CEP41: variants seen among roughly 807,000 people sequenced by gnomAD.
CEP41 encodes centrosomal protein 41.
In CEP41, 32 loss-of-function variants were observed where a neutral mutation model predicts 44.3. That is an observed-to-expected ratio of 0.72 (90% CI 0.54 to 0.97). CEP41 has a LOEUF of 0.97. Among genes scored for constraint, CEP41 ranks in the 50% least tolerant of loss-of-function variants. The pLI, the probability that CEP41 is intolerant of heterozygous loss-of-function variation, is 0.00. For missense variants in CEP41, 432 were observed against 455.2 expected, an observed-to-expected ratio of 0.95 and a Z score of 0.46; for synonymous variants, 151 against 168.5, an observed-to-expected ratio of 0.90 and a Z score of 0.80.
chr7:130,420,240 G>A (rs541104253), intron 2 of CEP41: 12 of 181,954 alleles, frequency 6.6e-5, no homozygotes, highest in African/African-American at 2.7e-4. Flanking sequence ...TGAGGTAGGA[G>A]GATCCCCTGA....
Position 130,402,633 on chromosome 7 carries a change from C to T in CEP41, c.574+15G>A, listed in dbSNP as rs782514271. On this transcript the variant is annotated intron_variant, in intron 7 of 10. Transcript: ENST00000223208. ...TTCTTGAGAGTGAGGCACTTTAAAG[C>T]CTTCTCTCTCTTACCTCCAACAATG... 1.9e-6 allele frequency: 3 copies of T among 1,613,916 alleles called. No individual in the cohort carries two copies. Among genetic ancestry groups the T allele is most frequent in the Non-Finnish European group, 2.5e-6 (3 of 1,179,854 alleles).
At chr7:130,422,522 T>C (rs1049509842) in intron 2 of CEP41, among the ~76,000 whole-genome samples, 2 of 152,204 alleles carry the variant, frequency 1.3e-5, no homozygotes, top group African/African-American at 4.8e-5. Context: ...ATCTGTACCC[T>C]GGCACATAAT....
chr7:130,438,841 A>T (rs1398025500), intron 1 of CEP41, among the ~76,000 whole-genome samples: 2 of 152,216 alleles, frequency 1.3e-5, no homozygotes, highest in African/African-American at 4.8e-5. Flanking sequence ...TCATAACTTT[A>T]TACATTTATG....
Position 130,402,782 on chromosome 7 carries a change from C to T in CEP41, c.440G>A (p.Gly147Glu). The T allele has an allele frequency of 1.2e-6, 2 of 1,614,108 alleles. No individual in the cohort carries two copies. The highest frequency in any genetic ancestry group is 1.7e-6 in the Non-Finnish European group (2 of 1,180,006). The change falls in exon 7 of 11, where the codon GGG becomes GAG. Residue 147 changes from glycine to glutamate, a missense_variant. Physicochemically the swap from Gly to Glu is moderately conservative, Grantham distance 98. Transcript: ENST00000223208. ...TGGCCCTTTGTCTAGATCCAGTTCC[C>T]CAACACCACTGATGACACTGCAAGT... ...STLQSVISGV[G>E]ELDLDKGPVK...
At position 130,398,144 on chromosome 7, in the gene CEP41, C is replaced by T. The variant is rs782582354; in HGVS notation, c.*747G>A. 69 of 453,820 alleles carry T rather than the reference C, an allele frequency of 1.5e-4. 2 individuals are homozygous for T. Among genetic ancestry groups the T allele is most frequent in the South Asian group, 8.8e-4 (57 of 64,444 alleles). The allele number at this position is 453,820 out of a possible 1,614,324, so 28.1% of individuals were successfully genotyped here. On this transcript the variant is annotated 3_prime_UTR_variant, in exon 11 of 11. Transcript: ENST00000223208. The stretch of plus-strand genomic sequence containing the variant: ...TTGGTGGGCTTCAAGGGGCACAGGC[C>T]GGTGTGGTGGCCAGGGCTTTCCCAT...
In CEP41 at chr7:130,396,040, C is replaced by T. The variant is rs985561812; in HGVS notation, c.*2851G>A. On this transcript the variant is annotated 3_prime_UTR_variant, in exon 11 of 11. Transcript: ENST00000223208. Reference sequence around the variant, plus strand: ...CTCCTTTCTCTCTCGCTTTCTGCTTCTTTTCTTCTCTCTGCCCTCCCTTCT... The same window carrying T: ...CTCCTTTCTCTCTCGCTTTCTGCTTTTTTTCTTCTCTCTGCCCTCCCTTCT... The T allele has an allele frequency of 1.3e-5, 6 of 453,952 alleles. No homozygotes were observed. Among genetic ancestry groups the T allele is most frequent in the Non-Finnish European group, 2.6e-5 (6 of 226,790 alleles). 28.1% of individuals were successfully genotyped at this position (453,952 alleles called of 1,614,324 possible).
At chr7:130,413,590 C>A (rs200617072) in intron 3 of CEP41, among the ~76,000 whole-genome samples, 77 of 146,956 alleles carry the variant, frequency 5.2e-4, no homozygotes, top group African/African-American at 6.5e-4. Context: ...AAAAAAAAAA[C>A]AAAAAAAAAA....
rs182105537 is a variant in CEP41, at chr7:130,405,919, C to T, written c.278-1211G>A. Reference sequence around the variant, plus strand: ...ACACACTTTAACACAAACAGCACATCACGACAGACACCGCAGAAGCAGAGA... The same window carrying T: ...ACACACTTTAACACAAACAGCACATTACGACAGACACCGCAGAAGCAGAGA... On this transcript the variant is annotated intron_variant, in intron 5 of 10. Transcript: ENST00000223208. Among the ~76,000 whole-genome samples, 180 of 152,242 alleles carry T rather than the reference C, an allele frequency of 1.2e-3. 1 individual carries two copies. The highest frequency in any genetic ancestry group is 4.2e-3 in the African/African-American group (174 of 41,526).
rs1475645780 is a variant in CEP41, at chr7:130,397,637, A to G, written c.*1254T>C. 1 of 453,884 alleles carries G rather than the reference A, an allele frequency of 2.2e-6. No individual in the cohort carries two copies. The highest frequency in any genetic ancestry group is 2.0e-5 in the African/African-American group (1 of 49,766). 28.1% of individuals were successfully genotyped at this position (453,884 alleles called of 1,614,324 possible). On this transcript the variant is annotated 3_prime_UTR_variant, in exon 11 of 11. Transcript: ENST00000223208. ...TTTTCAGAAGCTGGTTGCCATGACA[A>G]AGAGCACAATTTATTCCTCAGTCCC...
chr7:130,434,861 G>A (rs1797917568), intron 1 of CEP41, among the ~76,000 whole-genome samples: 1 of 152,032 alleles, frequency 6.6e-6, no homozygotes. Flanking sequence ...AACCAAAATT[G>A]GCTATAACTG....
At chr7:130,427,056 T>G (rs1258029664) in intron 2 of CEP41, 1 of 155,204 alleles carries the variant, frequency 6.4e-6, no homozygotes, top group African/African-American at 2.4e-5. Context: ...TGAAGAAACA[T>G]GCATAATGGA....
At chr7:130,419,662 A>G in intron 2 of CEP41, 6 of 985,346 alleles carry the variant, frequency 6.1e-6, no homozygotes, top group Non-Finnish European at 6.0e-6. Context: ...AAAAAAAGTC[A>G]GTGGCTCCCC....
At chr7:130,403,875 T>C (rs979833148) in intron 6 of CEP41, among the ~76,000 whole-genome samples, 1 of 152,184 alleles carries the variant, frequency 6.6e-6, no homozygotes, top group African/African-American at 2.4e-5. Context: ...AAAAGAATAA[T>C]AATAATGGTG....
At chr7:130,417,079 G>T in intron 2 of CEP41, 113 bp from the exon 3 acceptor site, 1 of 1,373,538 alleles carries the variant, frequency 7.3e-7, no homozygotes. Context: ...CTGTTCTTAG[G>T]GGATTCTGGA....
chr7:130,439,970 T>C (rs1798093340), intron 1 of CEP41, among the ~76,000 whole-genome samples: 2 of 152,206 alleles, frequency 1.3e-5, no homozygotes, highest in Admixed American at 6.5e-5. Flanking sequence ...CCGACCACAC[T>C]GTACTCAAAT....
At chr7:130,417,542 A>G (rs1797372720) in intron 2 of CEP41, among the ~76,000 whole-genome samples, 1 of 152,200 alleles carries the variant, frequency 6.6e-6, no homozygotes, top group Admixed American at 6.5e-5. Context: ...GTGCTGAGAA[A>G]TAACAGCAGA....
chr7:130,400,708 TC>T lies in CEP41; in HGVS notation c.755del (p.Gly252GlufsTer3), dbSNP rs1796816554. ...RGFENLFMLS[G>X]GLKVLAQKFP... ...CAAGCAGAGTATCACCTTGCTCACC[TC>T]CGGAAAGCATGAAGAGGTTTTCAAA... On this transcript the variant is annotated frameshift_variant and splice_region_variant, in exon 9 of 11. Transcript: ENST00000223208. LOFTEE classifies it high-confidence loss of function. 6.3e-7 allele frequency: 1 copy of T among 1,599,350 alleles called. No homozygotes were observed. Among genetic ancestry groups the T allele is most frequent in the Non-Finnish European group, 8.6e-7 (1 of 1,167,880 alleles).
At chr7:130,429,124 C>G (rs1797752682) in intron 1 of CEP41, among the ~76,000 whole-genome samples, 1 of 152,090 alleles carries the variant, frequency 6.6e-6, no homozygotes, top group Admixed American at 6.5e-5. Flanking sequence ...TTCCTCTGGA[C>G]ACCCCTGAGA....
chr7:130,419,354 A>C, intron 2 of CEP41: 1 of 985,404 alleles, frequency 1.0e-6, no homozygotes, highest in Non-Finnish European at 1.2e-6. Context: ...ATACCCCTAA[A>C]AATGGTTTGA....
Sources: gnomAD v4.1 joint callset for allele counts (sites outside exome capture counted in the v4.1 genomes callset) on GRCh38, gnomAD v4.1.1 for gene constraint, MANE v1.5 for transcripts, NCBI Gene and HGNC (gene_info 2026-07-23, HGNC 2026-07-21) for gene names.